GRID2: variants seen among roughly 807,000 people sequenced by gnomAD.
GRID2 encodes glutamate receptor ionotropic, delta-2.
A neutral mutation model predicts 114.8 loss-of-function variants in GRID2; 33 were observed. The ratio of observed to expected loss-of-function variants is 0.29; its 90% CI spans 0.22 to 0.38. The LOEUF (loss-of-function observed/expected upper bound fraction) is 0.38, where lower values mean the gene tolerates loss of function less well. GRID2 is among the 10% of genes least tolerant of loss of function. The probability of loss-of-function intolerance (pLI) is 1.00; values close to 1 mark genes in which losing one functional copy is unlikely to be tolerated. For synonymous variants in GRID2, 505 were observed against 449.9 expected, an observed-to-expected ratio of 1.12 and a Z score of -1.55; for missense variants, 1,184 against 1,257.7, an observed-to-expected ratio of 0.94 and a Z score of 0.89.
intron 14 of GRID2, among the ~76,000 whole-genome samples, chr4:93,682,509 T>C (rs1319127789): frequency 6.6e-6 from 1 of 151,934 alleles, no homozygotes; most frequent in Non-Finnish European, 1.5e-5. Flanking sequence ...CTATTCACAA[T>C]AGCAAAGACT....
At chr4:92,891,138 G>A (rs951475635) in intron 2 of GRID2, among the ~76,000 whole-genome samples, 1 of 152,052 alleles carries the variant, frequency 6.6e-6, no homozygotes, top group Non-Finnish European at 1.5e-5. Context: ...CTAGGGGAGG[G>A]ATAGCATTAG....
At chr4:92,962,200 G>A (rs1752865175) in intron 2 of GRID2, among the ~76,000 whole-genome samples, 1 of 151,870 alleles carries the variant, frequency 6.6e-6, no homozygotes, top group Non-Finnish European at 1.5e-5. Context: ...TTCAAACTGT[G>A]TGTGTGTGTT....
chr4:92,562,577 A>G (rs997500588), intron 1 of GRID2, among the ~76,000 whole-genome samples: 4 of 152,094 alleles, frequency 2.6e-5, no homozygotes, highest in Non-Finnish European at 5.9e-5. Flanking sequence ...TGCCTGCTTT[A>G]TGTAGAGCCC....
chr4:92,504,584 G>C (rs1437653638), intron 1 of GRID2, among the ~76,000 whole-genome samples: 1 of 151,828 alleles, frequency 6.6e-6, no homozygotes, highest in Non-Finnish European at 1.5e-5. Context: ...CATATGTTTT[G>C]GTGCAGTTGT....
At chr4:92,612,486 T>C (rs560197195) in intron 2 of GRID2, among the ~76,000 whole-genome samples, 94 of 151,650 alleles carry the variant, frequency 6.2e-4, no homozygotes, top group African/African-American at 2.1e-3. Flanking sequence ...TGCTGCAAAA[T>C]AGCATGCTGG....
intron 2 of GRID2, among the ~76,000 whole-genome samples, chr4:92,892,125 A>T (rs1426435845): frequency 6.6e-6 from 1 of 151,536 alleles, no homozygotes; most frequent in Non-Finnish European, 1.5e-5. Context: ...GTGCAGTGGC[A>T]CGATCTTGGC....
intron 9 of GRID2, among the ~76,000 whole-genome samples, chr4:93,400,799 C>T (rs1765807255): frequency 6.6e-6 from 1 of 152,032 alleles, no homozygotes; most frequent in South Asian, 2.1e-4. Context: ...CATGAATTCA[C>T]ACAAAACAGT....
intron 9 of GRID2, among the ~76,000 whole-genome samples, chr4:93,398,133 G>GTGTGTGTGTGTATGTATA: frequency 4.9e-5 from 6 of 122,354 alleles, no homozygotes; most frequent in Non-Finnish European, 1.6e-5. Flanking sequence ...ATGTGTGTGT[G>GTGTGTGTGTGTATGTATA]TATATATATA....
chr4:93,404,825 G>A (rs748259079), intron 9 of GRID2, among the ~76,000 whole-genome samples: 6 of 152,136 alleles, frequency 3.9e-5, no homozygotes, highest in African/African-American at 7.2e-5. Flanking sequence ...GAGTATATGC[G>A]GAAGTATGTA....
intron 13 of GRID2, among the ~76,000 whole-genome samples, chr4:93,533,245 TC>T (rs1731638251): frequency 9.5e-6 from 1 of 105,718 alleles, no homozygotes; most frequent in Non-Finnish European, 1.9e-5. Context: ...TTTCTTTCTC[TC>T]TTCCTTCCTT....
At chr4:92,963,326 C>A (rs1031202547) in intron 2 of GRID2, among the ~76,000 whole-genome samples, 10 of 152,010 alleles carry the variant, frequency 6.6e-5, no homozygotes, top group Non-Finnish European at 1.5e-4. Flanking sequence ...CATGGTAGAA[C>A]TTCTTTCAAA....
At chr4:93,140,080 A>C (rs1338709453) in intron 4 of GRID2, among the ~76,000 whole-genome samples, 1 of 151,954 alleles carries the variant, frequency 6.6e-6, no homozygotes, top group Non-Finnish European at 1.5e-5. Flanking sequence ...AGTATCTTGG[A>C]TGTGCCAAGT....
intron 2 of GRID2, among the ~76,000 whole-genome samples, chr4:92,868,429 C>G (rs576464554): frequency 6.6e-6 from 1 of 152,220 alleles, no homozygotes; most frequent in Admixed American, 6.5e-5. Flanking sequence ...TTATTTTGCT[C>G]CCATACATAC....
In GRID2 at chr4:92,748,618, C is replaced by A. The variant is rs185810176; in HGVS notation, c.244+158332C>A. 3.3e-3 allele frequency among the ~76,000 whole-genome samples: 493 copies of A among 147,364 alleles called. 2 individuals are homozygous for A. The highest frequency in any genetic ancestry group is 0.011 in the African/African-American group (458 of 39,962). On this transcript the variant is annotated intron_variant, in intron 2 of 15. Coordinates refer to ENST00000282020, the MANE Select transcript of GRID2 (RefSeq NM_001510.4). The stretch of plus-strand genomic sequence containing the variant: ...CTCTCTGGTCTCAATCGATTTGTAC[C>A]ATTTAATTAAATTGTATTATTATTA...
At chr4:92,593,584 T>C (rs1476612847) in intron 2 of GRID2, among the ~76,000 whole-genome samples, 3 of 151,950 alleles carry the variant, frequency 2.0e-5, no homozygotes, top group Non-Finnish European at 4.4e-5. Context: ...CACATTCCAT[T>C]CTCTGGAGAT....
intron 1 of GRID2, among the ~76,000 whole-genome samples, chr4:92,584,794 A>G (rs183375644): frequency 1.1e-3 from 174 of 152,210 alleles, no homozygotes; most frequent in Middle Eastern, 3.4e-3. Context: ...AAAAAAGCAT[A>G]AAATGGCAGA....
intron 11 of GRID2, among the ~76,000 whole-genome samples, chr4:93,480,372 G>A (rs1054065374): frequency 6.6e-6 from 1 of 151,980 alleles, no homozygotes; most frequent in Non-Finnish European, 1.5e-5. Flanking sequence ...TAGATAAGAG[G>A]TTCCAAATTC....
intron 2 of GRID2, among the ~76,000 whole-genome samples, chr4:92,967,157 C>T (rs1024204445): frequency 6.6e-6 from 1 of 151,900 alleles, no homozygotes; most frequent in African/African-American, 2.4e-5. Flanking sequence ...CAGCATCTCC[C>T]TCTAATAAAT....
intron 2 of GRID2, among the ~76,000 whole-genome samples, chr4:92,875,971 C>G (rs907887768): frequency 6.6e-6 from 1 of 152,114 alleles, no homozygotes; most frequent in Admixed American, 6.5e-5. Flanking sequence ...TAGCAGAGAG[C>G]GCCTTTACTG....
Sources: gnomAD v4.1 joint callset for allele counts (sites outside exome capture counted in the v4.1 genomes callset) on GRCh38, gnomAD v4.1.1 for gene constraint, MANE v1.5 for transcripts, NCBI Gene and HGNC (gene_info 2026-07-23, HGNC 2026-07-21) for gene names.